The following FGD5 variants were observed in gnomAD, a reference collection of about 807,000 sequenced individuals.
FGD5 encodes the protein FYVE, RhoGEF and PH domain-containing protein 5.
A neutral mutation model predicts 133.4 loss-of-function variants in FGD5; 28 were observed. That is an observed-to-expected ratio of 0.21 (90% CI 0.16 to 0.29). The LOEUF is 0.29. FGD5 is among the 10% of genes least tolerant of loss of function. The pLI is 1.00. For synonymous variants in FGD5, 810 were observed against 776.5 expected, an observed-to-expected ratio of 1.04 and a Z score of -0.72; for missense variants, 1,858 against 1,895.2, an observed-to-expected ratio of 0.98 and a Z score of 0.36.
intron 1 of FGD5, among the ~76,000 whole-genome samples, chr3:14,829,204 G>A (rs1470468120): frequency 6.6e-6 from 1 of 152,136 alleles, no homozygotes; most frequent in Non-Finnish European, 1.5e-5. Context: ...TTCAGCTGGA[G>A]CTTAGGTGCA....
At chr3:14,812,295 A>C (rs1009520079) in intron 1 of FGD5, among the ~76,000 whole-genome samples, 5 of 152,200 alleles carry the variant, frequency 3.3e-5, no homozygotes, top group African/African-American at 1.2e-4. Context: ...GAGCCCAGCC[A>C]GCCACTGCTT....
chr3:14,882,480 C>T, intron 4 of FGD5: 1 of 353,852 alleles, frequency 2.8e-6, no homozygotes, highest in Non-Finnish European at 4.0e-6. Context: ...GGCTGATCAT[C>T]TGAGATCAGG....
At chr3:14,903,112 C>G (rs982999776) in intron 9 of FGD5, among the ~76,000 whole-genome samples, 9 of 152,168 alleles carry the variant, frequency 5.9e-5, no homozygotes, top group Non-Finnish European at 1.3e-4. Context: ...CACTGTCATG[C>G]AGCTGTCATC....
At chr3:14,911,053 G>T in intron 11 of FGD5, 124 bp downstream of exon 11, 2 of 901,642 alleles carry the variant, frequency 2.2e-6, no homozygotes, top group Non-Finnish European at 3.4e-6. Context: ...ACATTTGGGG[G>T]TGAGGATCAT....
intron 1 of FGD5, among the ~76,000 whole-genome samples, chr3:14,857,246 G>C (rs2037300973): frequency 6.6e-6 from 1 of 151,862 alleles, no homozygotes; most frequent in African/African-American, 2.4e-5. Context: ...ACCCCCCCAG[G>C]CTCAAGCAAT....
At chr3:14,861,968 C>T (rs918941933) in intron 1 of FGD5, among the ~76,000 whole-genome samples, 1 of 152,104 alleles carries the variant, frequency 6.6e-6, no homozygotes, top group African/African-American at 2.4e-5. Flanking sequence ...TCAGAGAGCT[C>T]AGGAAGGCAC....
chr3:14,820,389 G>A lies in FGD5; in HGVS notation c.1318G>A (p.Ala440Thr). 1 of 1,613,950 alleles carries A rather than the reference G, an allele frequency of 6.2e-7. No homozygotes were observed. The highest frequency in any genetic ancestry group is 8.5e-7 in the Non-Finnish European group (1 of 1,179,862). ...GATGGGAGTGGGCCTGCCCGGTCAGGCGGCCCCTGGAGAAGGAGGGCAGGC... is the reference window on the plus strand; with the variant it reads ...GATGGGAGTGGGCCTGCCCGGTCAGACGGCCCCTGGAGAAGGAGGGCAGGC... ...YVMGVGLPGQ[A>T]APGEGGQAAS... The change falls in exon 1 of 20, where the codon GCG becomes ACG. Residue 440 changes from alanine to threonine, a missense_variant. Transcript: ENST00000285046.
At chr3:14,893,640 G>A (rs1397107246) in intron 4 of FGD5, among the ~76,000 whole-genome samples, 1 of 151,958 alleles carries the variant, frequency 6.6e-6, no homozygotes, top group Non-Finnish European at 1.5e-5. Flanking sequence ...GAGCCACCAT[G>A]CCTGGCCTCT....
rs1471635278 is a variant in FGD5 at position 14,819,988 on chromosome 3, A to T, written c.917A>T (p.Glu306Val). 5 of 1,613,694 alleles carry T rather than the reference A, an allele frequency of 3.1e-6. No individual in the cohort carries two copies. In the African/African-American group the frequency reaches 6.7e-5, roughly 22 times the overall value. ...GACCACGAGAAGAAAACCAACCAAG[A>T]AGTGGCAGCCGCCACCCTGGAGGAC... is the stretch of plus-strand genomic sequence containing the variant. ...PPDHEKKTNQEVAAATLEDHA... is the reference protein window; with the variant it reads ...PPDHEKKTNQVVAAATLEDHA... Residue 306 changes from glutamate (E) to valine (V), a missense_variant, in exon 1 of 20, where the codon GAA becomes GTA. Physicochemically the swap from Glu to Val is moderately radical, Grantham distance 121 (BLOSUM62 -2). Around this residue, in one of 3 missense-constraint regions of FGD5, gnomAD observed 1,824 missense variants for 1,848.9 expected, o/e 0.99. Transcript: ENST00000285046. The surrounding 1 kb of genome is among the most constrained non-coding windows in gnomAD (Gnocchi z 4.1).
intron 4 of FGD5, among the ~76,000 whole-genome samples, chr3:14,892,927 G>A (rs2038058359): frequency 6.6e-6 from 1 of 152,192 alleles, no homozygotes; most frequent in Non-Finnish European, 1.5e-5. Flanking sequence ...ACAAGGTAGA[G>A]GAATCATCTT....
chr3:14,911,570 G>A (rs548668365), intron 11 of FGD5, among the ~76,000 whole-genome samples: 8 of 151,786 alleles, frequency 5.3e-5, no homozygotes, highest in South Asian at 2.1e-4. Context: ...CTCATACTTC[G>A]TCAAAGCACC....
chr3:14,884,385 C>A (rs2037885290), intron 4 of FGD5, among the ~76,000 whole-genome samples: 1 of 152,178 alleles, frequency 6.6e-6, no homozygotes, highest in Non-Finnish European at 1.5e-5. Context: ...ATGACCTGGC[C>A]CCTGTCCACC....
rs953774738 is a variant in FGD5, at chr3:14,922,967, AGAGGGAGCG to A, written c.3808-73_3808-65del. On this transcript the variant is annotated intron_variant, in intron 15 of 19. Coordinates refer to ENST00000285046, the MANE Select transcript of FGD5 (RefSeq NM_152536.4). The surrounding 1 kb of genome is among the most constrained non-coding windows in gnomAD (Gnocchi z 4.1). The stretch of plus-strand genomic sequence containing the variant: ...TAGGGGCAGTTGTGGGTGGATTAGC[AGAGGGAGCG>A]GAGGGGAGGGGTGCAGGTCTCCTTT... The A allele has an allele frequency of 4.4e-6, 7 of 1,591,820 alleles. No homozygotes were observed. Among genetic ancestry groups the A allele is most frequent in the East Asian group, 2.2e-5 (1 of 44,636 alleles).
rs34008934 is a variant in FGD5, at chr3:14,853,636, C to CTTTTTTTTTTTTTTTTT, written c.2526-10477_2526-10461dup. Among the ~76,000 whole-genome samples, 26 of 37,128 alleles carry CTTTTTTTTTTTTTTTTT rather than the reference C, an allele frequency of 7.0e-4. 1 individual carries two copies. The highest frequency in any genetic ancestry group is 3.8e-3 in the East Asian group (3 of 786). The allele number at this position is 37,128 out of a possible 152,430, so 24.4% of individuals were successfully genotyped here. A position where few individuals can be genotyped will look rare whatever the true frequency, so the allele number is the denominator to read the frequency against. On this transcript the variant is annotated intron_variant, in intron 1 of 19. Transcript: ENST00000285046. The stretch of plus-strand genomic sequence containing the variant: ...GAGATTCCCAGGGGGAAAAGCGTTC[C>CTTTTTTTTTTTTTTTTT]TTTTTTTTTTTTTTTTTTTTTTTTT...
chr3:14,866,056 G>C (rs1320124339), intron 2 of FGD5, among the ~76,000 whole-genome samples: 1 of 151,588 alleles, frequency 6.6e-6, no homozygotes, highest in Non-Finnish European at 1.5e-5. Flanking sequence ...TGATGGAGCA[G>C]TGGAGCCCAC....
intron 4 of FGD5, among the ~76,000 whole-genome samples, chr3:14,888,099 G>A (rs1443708023): frequency 6.6e-6 from 1 of 151,400 alleles, no homozygotes; most frequent in Non-Finnish European, 1.5e-5. Context: ...GAGCTTAGGA[G>A]TTTGAGGCTG....
Position 14,818,969 on chromosome 3 carries a change from A to G in FGD5, c.-103A>G, listed in dbSNP as rs1052826088. On this transcript the variant is annotated 5_prime_UTR_variant, in exon 1 of 20. Coordinates refer to ENST00000285046, the MANE Select transcript of FGD5 (RefSeq NM_152536.4). The stretch of plus-strand genomic sequence containing the variant: ...TTTGTCATCTAGATTCACCAAAACC[A>G]CCTGTCGCTCCCAAGCCAAAGACTA... 1.4e-6 allele frequency: 2 copies of G among 1,446,904 alleles called. No homozygotes were observed. Among genetic ancestry groups the G allele is most frequent in the African/African-American group, 1.4e-5 (1 of 69,358 alleles). 89.6% of individuals were successfully genotyped at this position (1,446,904 alleles called of 1,614,324 possible). A position where few individuals can be genotyped will look rare whatever the true frequency, so the allele number is the denominator to read the frequency against.
chr3:14,900,901 T>C (rs912297938), intron 8 of FGD5, 102 bp from the exon 9 acceptor site: 21 of 1,292,286 alleles, frequency 1.6e-5, no homozygotes, highest in Non-Finnish European at 2.3e-5. Flanking sequence ...ACCTAGGCAG[T>C]AGTGGCCAAG....
At chr3:14,821,774 G>T in intron 1 of FGD5, 178 bp downstream of exon 1, 1 of 936,538 alleles carries the variant, frequency 1.1e-6, no homozygotes, top group Non-Finnish European at 1.5e-6. Flanking sequence ...CCGTGAAATG[G>T]GACTCATGCT....
Sources: allele counts gnomAD v4.1 joint callset (sites outside exome capture counted in the v4.1 genomes callset), GRCh38; gene constraint gnomAD v4.1.1; regional missense constraint gnomAD v4.1.1; non-coding constraint Gnocchi (gnomAD v3.1); transcripts MANE v1.5; gene names NCBI Gene and HGNC (gene_info 2026-07-23, HGNC 2026-07-21).